The following FHOD3 variants were observed in gnomAD, a reference collection of about 807,000 sequenced individuals.
FHOD3 encodes formin homology 2 domain containing 3, also known as FH1/FH2 domain-containing protein 3.
Under a neutral mutation model 173.0 loss-of-function variants are expected in FHOD3, and 90 were observed. The observed-to-expected ratio is 0.52, with a 90% confidence interval of 0.44 to 0.62. FHOD3 has a LOEUF of 0.62. Among genes scored for constraint, FHOD3 ranks in the 20% least tolerant of loss-of-function variants. FHOD3 has a pLI of 0.00. For missense variants in FHOD3, 1,945 were observed against 2,034.7 expected (o/e 0.96, Z 0.85); for synonymous variants, 828 against 823.0 (o/e 1.01, Z -0.10).
At chr18:36,483,758 C>T (rs1031888578) in intron 3 of FHOD3, among the ~76,000 whole-genome samples, 2 of 152,314 alleles carry the variant, frequency 1.3e-5, no homozygotes, top group African/African-American at 2.4e-5. Flanking sequence ...ATTTCGCCAT[C>T]GGAGAAGCAT....
At chr18:36,714,871 C>T (rs2040363087) in intron 18 of FHOD3, among the ~76,000 whole-genome samples, 1 of 152,202 alleles carries the variant, frequency 6.6e-6, no homozygotes, top group Admixed American at 6.5e-5. Flanking sequence ...CAGGTTAAGC[C>T]ATTGTTGCAC....
intron 17 of FHOD3, among the ~76,000 whole-genome samples, chr18:36,699,907 G>A (rs1483358592): frequency 1.3e-5 from 2 of 152,104 alleles, no homozygotes; most frequent in Non-Finnish European, 2.9e-5. Flanking sequence ...AGTTCAAGTC[G>A]CTTTTTGTTG....
At chr18:36,559,016 C>T (rs1432018591) in intron 5 of FHOD3, among the ~76,000 whole-genome samples, 1 of 152,160 alleles carries the variant, frequency 6.6e-6, no homozygotes, top group African/African-American at 2.4e-5. Context: ...CCAGTGTTTT[C>T]ACAGGACAGG....
intron 19 of FHOD3, among the ~76,000 whole-genome samples, chr18:36,722,229 G>A (rs1221688047): frequency 6.6e-6 from 1 of 152,188 alleles, no homozygotes; most frequent in Non-Finnish European, 1.5e-5. Context: ...GAGACAAAGT[G>A]ACCCTAAGAA....
At chr18:36,491,097 G>A (rs1374578997) in intron 3 of FHOD3, among the ~76,000 whole-genome samples, 2 of 152,166 alleles carry the variant, frequency 1.3e-5, no homozygotes, top group South Asian at 2.1e-4. Context: ...AAGTGTGCAT[G>A]GACAGATAAG....
At chr18:36,493,568 G>A (rs2054582293) in intron 3 of FHOD3, among the ~76,000 whole-genome samples, 1 of 152,304 alleles carries the variant, frequency 6.6e-6, no homozygotes, top group African/African-American at 2.4e-5. Flanking sequence ...CAGTCATTTT[G>A]TAGAGGCTGT....
chr18:36,528,634 G>A (rs1170366358), intron 5 of FHOD3, among the ~76,000 whole-genome samples: 1 of 152,136 alleles, frequency 6.6e-6, no homozygotes, highest in Non-Finnish European at 1.5e-5. Flanking sequence ...CACCCCTGTG[G>A]CCCTCTGGAT....
chr18:36,625,188 G>A (rs1056953804), intron 9 of FHOD3, among the ~76,000 whole-genome samples: 11 of 152,136 alleles, frequency 7.2e-5, no homozygotes, highest in Admixed American at 2.0e-4. Flanking sequence ...GTGAAGGCCC[G>A]GGAAATGGAA....
chr18:36,612,093 G>C lies in FHOD3; in HGVS notation c.955G>C (p.Glu319Gln). Reference protein sequence around the residue: ...LDLVEQLNIYEVALRHEDGDE... With the variant: ...LDLVEQLNIYQVALRHEDGDE... The stretch of plus-strand genomic sequence containing the variant: ...CTTAGTGGAGCAACTCAACATTTAT[G>C]AGGTACCAGACCATGCCTTTTGTAA... Residue 319 changes from glutamate to glutamine, a missense_variant and splice_region_variant, in exon 9 of 29, where the codon GAG becomes CAG. Glu to Gln is a conservative substitution (Grantham distance 29, BLOSUM62 2). Coordinates refer to ENST00000590592, the MANE Select transcript of FHOD3 (RefSeq NM_001281740.3). 1 of 1,613,740 alleles carries C rather than the reference G, an allele frequency of 6.2e-7. No individual in the cohort carries two copies. The highest frequency in any genetic ancestry group is 8.5e-7 in the Non-Finnish European group (1 of 1,179,866).
chr18:36,545,919 C>G (rs967933489), intron 5 of FHOD3, among the ~76,000 whole-genome samples: 3 of 152,214 alleles, frequency 2.0e-5, no homozygotes, highest in Non-Finnish European at 4.4e-5. Flanking sequence ...ATCAGAAATG[C>G]AGCTAACAGA....
At chr18:36,574,399 G>T (rs1344831764) in intron 5 of FHOD3, among the ~76,000 whole-genome samples, 2 of 151,954 alleles carry the variant, frequency 1.3e-5, no homozygotes, top group East Asian at 3.9e-4. Flanking sequence ...CAAGTTTGTT[G>T]TCTCTCATAT....
chr18:36,386,045 C>G (rs1476133207), intron 3 of FHOD3, among the ~76,000 whole-genome samples: 1 of 152,202 alleles, frequency 6.6e-6, no homozygotes, highest in African/African-American at 2.4e-5. Context: ...TCCAAATATT[C>G]TGTATGAGTT....
chr18:36,644,778 T>C (rs2035567587), intron 10 of FHOD3, among the ~76,000 whole-genome samples: 1 of 152,158 alleles, frequency 6.6e-6, no homozygotes, highest in African/African-American at 2.4e-5. Flanking sequence ...TAGTGCCCCA[T>C]GTAGGGATGA....
At chr18:36,432,149 T>G (rs1319125320) in intron 3 of FHOD3, among the ~76,000 whole-genome samples, 1 of 152,214 alleles carries the variant, frequency 6.6e-6, no homozygotes, top group Non-Finnish European at 1.5e-5. Flanking sequence ...TTCAGGGCCA[T>G]GCCATCTTGG....
chr18:36,602,206 G>A lies in FHOD3; in HGVS notation c.719-468G>A, dbSNP rs112130289. The stretch of plus-strand genomic sequence containing the variant: ...GATGGAGTAGATGTAATATACTTCC[G>A]TTCTTGAGATATTTGCTAGACAGGC... On this transcript the variant is annotated intron_variant, in intron 7 of 28. Transcript: ENST00000590592. Among the ~76,000 whole-genome samples the A allele has an allele frequency of 2.6e-3, 391 of 152,264 alleles. 3 individuals carry two copies. The highest frequency in any genetic ancestry group is 9.2e-3 in the African/African-American group (382 of 41,536).
chr18:36,649,749 C>G (rs1410335276), intron 11 of FHOD3, among the ~76,000 whole-genome samples: 1 of 152,266 alleles, frequency 6.6e-6, no homozygotes, highest in South Asian at 2.1e-4. Context: ...GATTCTTGCC[C>G]TTTCAGCATT....
chr18:36,777,967 A>T (rs981567039), intron 28 of FHOD3: 7 of 152,228 alleles, frequency 4.6e-5, no homozygotes, highest in Non-Finnish European at 7.3e-5. Flanking sequence ...TCTTTGAGTT[A>T]AATGCTGAGC....
At chr18:36,707,991 A>T (rs2039975641) in intron 17 of FHOD3, among the ~76,000 whole-genome samples, 1 of 152,218 alleles carries the variant, frequency 6.6e-6, no homozygotes, top group African/African-American at 2.4e-5. Flanking sequence ...CATGTGTGGC[A>T]GTTGGCTCAG....
intron 2 of FHOD3, among the ~76,000 whole-genome samples, chr18:36,366,701 A>G (rs2046914501): frequency 1.3e-5 from 2 of 152,168 alleles, no homozygotes; most frequent in Admixed American, 1.3e-4. Flanking sequence ...CTTAGCTAGC[A>G]CTGTCCTTTT....
Sources: allele counts gnomAD v4.1 joint callset (sites outside exome capture counted in the v4.1 genomes callset), GRCh38; gene constraint gnomAD v4.1.1; transcripts MANE v1.5; gene names NCBI Gene and HGNC (gene_info 2026-07-23, HGNC 2026-07-21).